COL8A1: variants seen among roughly 807,000 people sequenced by gnomAD.
COL8A1 encodes the protein collagen type VIII alpha 1 chain.
COL8A1 carries 21 observed loss-of-function variants against 42.7 expected under a neutral mutation model. The observed-to-expected ratio is 0.49, with a 90% CI of 0.35 to 0.71. COL8A1 has a LOEUF of 0.71. Ranked by LOEUF, COL8A1 falls within the 30% of genes least tolerant of loss-of-function variation. COL8A1 has a pLI of 0.01. For missense variants in COL8A1, 788 were observed against 962.4 expected (o/e 0.82, Z 2.40); for synonymous variants, 367 against 369.1 (o/e 0.99, Z 0.06).
At chr3:99,770,241 AG>A (rs1941552629) in intron 2 of COL8A1, among the ~76,000 whole-genome samples, 1 of 152,212 alleles carries the variant, frequency 6.6e-6, no homozygotes, top group Admixed American at 6.5e-5. Flanking sequence ...CTTTCAGGAC[AG>A]GTAGGTCAGA....
At chr3:99,779,142 T>C (rs1941747018) in intron 2 of COL8A1, among the ~76,000 whole-genome samples, 1 of 152,244 alleles carries the variant, frequency 6.6e-6, no homozygotes, top group Non-Finnish European at 1.5e-5. Flanking sequence ...GATGTGAGGA[T>C]ACTACTTTTC....
intron 1 of COL8A1, among the ~76,000 whole-genome samples, chr3:99,743,900 A>G (rs1051624964): frequency 6.6e-6 from 1 of 151,866 alleles, no homozygotes; most frequent in Non-Finnish European, 1.5e-5. Context: ...TCCTCTTAAA[A>G]TATTTTTTGA....
chr3:99,705,185 C>A (rs1393407449), intron 1 of COL8A1, among the ~76,000 whole-genome samples: 4 of 152,154 alleles, frequency 2.6e-5, no homozygotes, highest in African/African-American at 9.7e-5. Flanking sequence ...AACCCAGTTT[C>A]CCATTCGAAT....
chr3:99,781,149 T>G (rs1941786794), intron 2 of COL8A1, among the ~76,000 whole-genome samples: 1 of 152,216 alleles, frequency 6.6e-6, no homozygotes, highest in Admixed American at 6.5e-5. Context: ...CTGCTACTCC[T>G]GAACCATGCA....
At chr3:99,729,258 T>A (rs1940428807) in intron 1 of COL8A1, among the ~76,000 whole-genome samples, 1 of 152,026 alleles carries the variant, frequency 6.6e-6, no homozygotes, top group Admixed American at 6.6e-5. Context: ...CTGATGTTGC[T>A]TTTTCTCAAA....
At chr3:99,746,323 T>C (rs1448694717) in intron 2 of COL8A1, among the ~76,000 whole-genome samples, 3 of 152,190 alleles carry the variant, frequency 2.0e-5, no homozygotes, top group East Asian at 3.8e-4. Flanking sequence ...TACATGCTCA[T>C]TGAAGCAGCA....
chr3:99,765,941 T>G (rs931520927), intron 2 of COL8A1, among the ~76,000 whole-genome samples: 3 of 152,226 alleles, frequency 2.0e-5, no homozygotes, highest in Admixed American at 6.5e-5. Context: ...ATTTTCTTTC[T>G]TAGGCTAATA....
intron 1 of COL8A1, among the ~76,000 whole-genome samples, chr3:99,711,902 G>A (rs1364421701): frequency 1.3e-5 from 2 of 151,984 alleles, no homozygotes; most frequent in Non-Finnish European, 2.9e-5. Flanking sequence ...ATCAAACCAA[G>A]GCTGGTGGGG....
intron 1 of COL8A1, among the ~76,000 whole-genome samples, chr3:99,726,198 C>T (rs1483902085): frequency 6.6e-6 from 1 of 152,152 alleles, no homozygotes; most frequent in Non-Finnish European, 1.5e-5. Context: ...TGTTTTTTGG[C>T]TGCATAAATG....
At chr3:99,744,699 C>A (rs1576460386) in intron 1 of COL8A1, among the ~76,000 whole-genome samples, 198 bp from the exon 2 acceptor site, 1 of 151,926 alleles carries the variant, frequency 6.6e-6, no homozygotes, top group African/African-American at 2.4e-5. Flanking sequence ...TATAATATAA[C>A]CATGAAAAGC....
intron 1 of COL8A1, among the ~76,000 whole-genome samples, chr3:99,643,820 G>T (rs1230761977): frequency 6.6e-6 from 1 of 152,168 alleles, no homozygotes; most frequent in Non-Finnish European, 1.5e-5. Context: ...GAATTAGAAT[G>T]TGAGATTTAC....
chr3:99,743,243 C>T (rs1405388660), intron 1 of COL8A1, among the ~76,000 whole-genome samples: 1 of 152,170 alleles, frequency 6.6e-6, no homozygotes, highest in Non-Finnish European at 1.5e-5. Flanking sequence ...CTCTTGAGTC[C>T]ATTTACTATC....
chr3:99,656,435 C>T (rs961316805), intron 1 of COL8A1, among the ~76,000 whole-genome samples: 2 of 151,170 alleles, frequency 1.3e-5, no homozygotes, highest in African/African-American at 4.9e-5. Flanking sequence ...TTGAATGCAA[C>T]CAAGACCAGG....
At position 99,760,890 on chromosome 3, in the gene COL8A1, A is replaced by C. The variant is rs552857438; in HGVS notation, c.-4+15869A>C. On this transcript the variant is annotated intron_variant, in intron 2 of 3. Coordinates refer to ENST00000652472, the MANE Select transcript of COL8A1 (RefSeq NM_020351.4). ...CTTGCAAAGTCCAGACTTGGGAGTA[A>C]CACAAACAGGGCTTTTACATAGCCA... 2.2e-3 allele frequency among the ~76,000 whole-genome samples: 330 copies of C among 152,348 alleles called. 3 individuals carry two copies. Among genetic ancestry groups the C allele is most frequent in the South Asian group, 0.012 (58 of 4,830 alleles).
chr3:99,715,954 G>A (rs987901172), intron 1 of COL8A1, among the ~76,000 whole-genome samples: 3 of 151,954 alleles, frequency 2.0e-5, no homozygotes, highest in African/African-American at 7.3e-5. Flanking sequence ...AGAATTAAAA[G>A]GTCTTACGCC....
chr3:99,733,709 C>T (rs1230671984), intron 1 of COL8A1, among the ~76,000 whole-genome samples: 1 of 151,160 alleles, frequency 6.6e-6, no homozygotes, highest in Non-Finnish European at 1.5e-5. Context: ...TTCTAGATCC[C>T]TGAGGAATCG....
At chr3:99,680,219 C>T (rs1020988309) in intron 1 of COL8A1, 1 of 148,848 alleles carries the variant, frequency 6.7e-6, no homozygotes, top group Admixed American at 6.7e-5. Flanking sequence ...TTGTTCAATT[C>T]CCACCTATGA....
chr3:99,790,993 T>C lies in COL8A1; in HGVS notation c.311T>C (p.Val104Ala). 5.0e-6 allele frequency: 8 copies of C among 1,611,766 alleles called. No homozygotes were observed. Among genetic ancestry groups the C allele is most frequent in the Non-Finnish European group, 5.9e-6 (7 of 1,178,038 alleles). The change falls in exon 3 of 4, where the codon GTA becomes GCA. Residue 104 changes from valine to alanine, a missense_variant. This residue lies in a region of COL8A1 where 421 missense variants were observed against 553.1 expected (regional missense o/e 0.76). Coordinates refer to ENST00000652472, the MANE Select transcript of COL8A1 (RefSeq NM_020351.4). Reference protein sequence around the residue: ...QPAPRMGKEAVPKKGKEIPLA... With the variant: ...QPAPRMGKEAAPKKGKEIPLA... ...GCGCCAAGAATGGGCAAGGAAGCCG[T>C]ACCCAAGAAAGGCAAAGGTAACATC...
At chr3:99,716,622 T>G (rs1464512299) in intron 1 of COL8A1, among the ~76,000 whole-genome samples, 1 of 152,028 alleles carries the variant, frequency 6.6e-6, no homozygotes, top group Non-Finnish European at 1.5e-5. Flanking sequence ...GTGTCCTTCC[T>G]GTTACATCGG....
Sources: gnomAD v4.1 joint callset for allele counts (sites outside exome capture counted in the v4.1 genomes callset) on GRCh38, gnomAD v4.1.1 for gene constraint, gnomAD v4.1.1 regional missense constraint, MANE v1.5 for transcripts, NCBI Gene and HGNC (gene_info 2026-07-23, HGNC 2026-07-21) for gene names.